COTL1: variants seen among roughly 807,000 people sequenced by gnomAD.
COTL1 encodes the protein coactosin like F-actin binding protein 1.
Under a neutral mutation model 16.5 loss-of-function variants are expected in COTL1, and 15 were observed. That is an observed-to-expected ratio of 0.91 (90% CI 0.61 to 1.40). COTL1 has a LOEUF of 1.40. COTL1 is among the 40% of genes most tolerant of loss of function. COTL1 has a pLI of 0.00. For synonymous variants in COTL1, 112 were observed against 85.3 expected, an observed-to-expected ratio of 1.31 and a Z score of -1.73; for missense variants, 220 against 201.5, an observed-to-expected ratio of 1.09 and a Z score of -0.56.
chr16:84,574,205 A>C (rs1362479588), intron 3 of COTL1, among the ~76,000 whole-genome samples: 1 of 152,210 alleles, frequency 6.6e-6, no homozygotes, highest in Admixed American at 6.5e-5. Context: ...GAGGGGACGC[A>C]GTTCATCCCA....
intron 2 of COTL1, among the ~76,000 whole-genome samples, 171 bp downstream of exon 2, chr16:84,617,330 G>C (rs1422660338): frequency 6.6e-6 from 1 of 152,154 alleles, no homozygotes; most frequent in East Asian, 1.9e-4. Flanking sequence ...GTCCAGAGGG[G>C]AGAAGGTTTT....
intron 3 of COTL1, among the ~76,000 whole-genome samples, chr16:84,570,969 C>G (rs72795427): frequency 6.9e-6 from 1 of 144,082 alleles, no homozygotes; most frequent in African/African-American, 2.6e-5. Context: ...TTTTTTTTTC[C>G]TTTTTTGCCT....
intron 3 of COTL1, chr16:84,567,300 C>T (rs971891541): frequency 1.5e-5 from 3 of 205,578 alleles, no homozygotes; most frequent in African/African-American, 2.3e-5. Flanking sequence ...ACTTTCTCAT[C>T]TGTAAAAAAC....
At chr16:84,585,408 C>T (rs1183740362) in intron 3 of COTL1, among the ~76,000 whole-genome samples, 1 of 151,660 alleles carries the variant, frequency 6.6e-6, no homozygotes, top group African/African-American at 2.4e-5. Context: ...CATCAATGAC[C>T]GTGCAATTAA....
chr16:84,606,112 G>C (rs928647723), intron 2 of COTL1, among the ~76,000 whole-genome samples: 1 of 152,218 alleles, frequency 6.6e-6, no homozygotes, highest in South Asian at 2.1e-4. Context: ...AAATGCTGAC[G>C]TGCCATGCCT....
chr16:84,587,771 ATTATTTAT>A (rs112094914), intron 3 of COTL1, among the ~76,000 whole-genome samples: 11 of 151,354 alleles, frequency 7.3e-5, no homozygotes, highest in African/African-American at 2.4e-4. Context: ...ATGTCCTATC[ATTATTTAT>A]TTATTTATTT....
At chr16:84,617,261 G>A (rs1486676045) in intron 2 of COTL1, among the ~76,000 whole-genome samples, 3 of 152,230 alleles carry the variant, frequency 2.0e-5, no homozygotes, top group Non-Finnish European at 4.4e-5. Flanking sequence ...GAGCTGCCCC[G>A]CCTGGAGAAG....
intron 2 of COTL1, among the ~76,000 whole-genome samples, chr16:84,602,896 G>A (rs753854500): frequency 1.3e-5 from 2 of 152,094 alleles, no homozygotes; most frequent in Non-Finnish European, 1.5e-5. Flanking sequence ...AAAAGGCAGT[G>A]TTGCTGGAGT....
chr16:84,598,606 C>T (rs1469376827), intron 2 of COTL1, among the ~76,000 whole-genome samples: 1 of 151,800 alleles, frequency 6.6e-6, no homozygotes, highest in Non-Finnish European at 1.5e-5. Context: ...TGCCTTTACG[C>T]CTCTCCCACC....
At chr16:84,567,568 C>G (rs912190565) in intron 3 of COTL1, 1 of 152,388 alleles carries the variant, frequency 6.6e-6, no homozygotes, top group African/African-American at 2.4e-5. Context: ...GACGCAGGAG[C>G]CTCCAGTCCT....
At chr16:84,579,363 C>A (rs1300582047) in intron 3 of COTL1, among the ~76,000 whole-genome samples, 3 of 152,218 alleles carry the variant, frequency 2.0e-5, no homozygotes, top group Non-Finnish European at 4.4e-5. Flanking sequence ...TGGCATACAC[C>A]TGTAGTCCCA....
rs180933654 is a variant in COTL1 at position 84,572,067 on chromosome 16, C to T, written c.319-5112G>A. On this transcript the variant is annotated intron_variant, in intron 3 of 3. Coordinates refer to ENST00000262428, the MANE Select transcript of COTL1 (RefSeq NM_021149.5). Reference sequence around the variant, plus strand: ...AACTGACAACAACCTCCACACCTCTCCACCTCCACGCCTTCCAGCGGCTCC... The same window carrying T: ...AACTGACAACAACCTCCACACCTCTTCACCTCCACGCCTTCCAGCGGCTCC... Among the ~76,000 whole-genome samples the T allele has an allele frequency of 3.8e-3, 578 of 152,374 alleles. 7 individuals carry two copies. Among genetic ancestry groups the T allele is most frequent in the Non-Finnish European group, 3.5e-3 (240 of 68,024 alleles).
intron 3 of COTL1, among the ~76,000 whole-genome samples, chr16:84,585,941 G>A (rs1219366156): frequency 6.6e-6 from 1 of 152,184 alleles, no homozygotes; most frequent in African/African-American, 2.4e-5. Flanking sequence ...TCATTCACCA[G>A]CATCCCTTTC....
At chr16:84,598,532 T>C (rs1194798781) in intron 2 of COTL1, among the ~76,000 whole-genome samples, 1 of 152,222 alleles carries the variant, frequency 6.6e-6, no homozygotes, top group Non-Finnish European at 1.5e-5. Context: ...GGCTGTTACA[T>C]GCTCTTTTCT....
intron 2 of COTL1, among the ~76,000 whole-genome samples, chr16:84,606,542 T>G (rs1267423334): frequency 1.3e-5 from 2 of 152,226 alleles, no homozygotes; most frequent in Admixed American, 6.5e-5. Flanking sequence ...GTGGCTATGA[T>G]CTTAGGCACT....
chr16:84,599,183 C>T (rs935154519), intron 2 of COTL1, among the ~76,000 whole-genome samples: 14 of 151,910 alleles, frequency 9.2e-5, no homozygotes, highest in African/African-American at 3.4e-4. Flanking sequence ...GGGCGGCCCC[C>T]ACCCAGGATC....
chr16:84,573,262 G>T (rs1172504358), intron 3 of COTL1, among the ~76,000 whole-genome samples: 2 of 152,238 alleles, frequency 1.3e-5, no homozygotes, highest in East Asian at 3.8e-4. Context: ...CGGGTATACG[G>T]CACACACTGA....
At position 84,617,588 on chromosome 16, in the gene COTL1, G is replaced by C. The variant is rs1400718208; in HGVS notation, c.78-5C>G. The stretch of plus-strand genomic sequence containing the variant: ...CCGTCATATTTAAAAGTCACCCTTT[G>C]GGTTGGGAGAAGAAAAAAACACACA... On this transcript the variant is annotated splice_region_variant and splice_polypyrimidine_tract_variant and intron_variant, in intron 1 of 3. Transcript: ENST00000262428. 1 of 1,553,604 alleles carries C rather than the reference G, an allele frequency of 6.4e-7. No homozygotes were observed. Among genetic ancestry groups the C allele is most frequent in the East Asian group, 2.4e-5 (1 of 41,218 alleles).
chr16:84,571,805 C>A (rs1904341276), intron 3 of COTL1, among the ~76,000 whole-genome samples: 1 of 152,214 alleles, frequency 6.6e-6, no homozygotes, highest in African/African-American at 2.4e-5. Flanking sequence ...CAGAGCTGGA[C>A]CCCAGCCTGC....
Sources: gnomAD v4.1 joint callset for allele counts (sites outside exome capture counted in the v4.1 genomes callset) on GRCh38, gnomAD v4.1.1 for gene constraint, MANE v1.5 for transcripts, NCBI Gene and HGNC (gene_info 2026-07-23, HGNC 2026-07-21) for gene names.